The following ANKRD36 variants were observed in gnomAD, a reference collection of about 807,000 sequenced individuals.
ANKRD36 encodes ankyrin repeat domain-containing protein 36A.
In ANKRD36, 179 loss-of-function variants were observed where a neutral mutation model predicts 278.1. That is an observed-to-expected ratio of 0.64 (90% CI 0.57 to 0.73). The LOEUF (loss-of-function observed/expected upper bound fraction) is 0.73. Among genes scored for constraint, ANKRD36 ranks in the 30% least tolerant of loss-of-function variants. ANKRD36 has a pLI of 0.00. For synonymous variants in ANKRD36, 320 were observed against 641.1 expected (o/e 0.50, Z 7.57); for missense variants, 1,159 against 1,956.7 (o/e 0.59, Z 7.69).
rs1201064097 is a variant in ANKRD36 at position 97,202,094 on chromosome 2, A to G, written c.2858-108A>G. The G allele has an allele frequency of 3.8e-6, 6 of 1,571,544 alleles. No individual in the cohort carries two copies. The East Asian group carries it at 9.4e-5, about 25-fold the overall frequency. On this transcript the variant is annotated intron_variant, in intron 46 of 75. Transcript: ENST00000420699. ...CACAAAGTAGAAGCCATGAAGGCCTATGCTAATACAGGCAGGAGGACAGAG... is the reference window on the plus strand; with the variant it reads ...CACAAAGTAGAAGCCATGAAGGCCTGTGCTAATACAGGCAGGAGGACAGAG...
At chr2:97,198,359 T>A in intron 42 of ANKRD36, 104 bp from the exon 43 acceptor site, 2 of 1,541,080 alleles carry the variant, frequency 1.3e-6, no homozygotes, top group Admixed American at 2.0e-5. Context: ...AAGCGTACAC[T>A]AATACAGGCA....
At chr2:97,172,420 A>G (rs1046958774) in intron 22 of ANKRD36, among the ~76,000 whole-genome samples, 3 of 151,938 alleles carry the variant, frequency 2.0e-5, no homozygotes, top group African/African-American at 7.2e-5. Flanking sequence ...CTTAAATATG[A>G]TGACATACCA....
intron 38 of ANKRD36, 112 bp from the exon 39 acceptor site, chr2:97,194,614 G>A (rs1575624900): frequency 6.4e-7 from 1 of 1,567,436 alleles, no homozygotes; most frequent in East Asian, 2.3e-5. Context: ...AGCCATCAAA[G>A]CGTACACTAA....
At chr2:97,232,874 G>A (rs2072639420) in intron 67 of ANKRD36, among the ~76,000 whole-genome samples, 1 of 152,052 alleles carries the variant, frequency 6.6e-6, no homozygotes, top group African/African-American at 2.4e-5. Context: ...AGACAAATAG[G>A]TTGTGAGGCA....
chr2:97,140,536 G>A (rs1322577933), intron 6 of ANKRD36, among the ~76,000 whole-genome samples: 1 of 151,946 alleles, frequency 6.6e-6, no homozygotes, highest in African/African-American at 2.4e-5. Flanking sequence ...TGATGGGAAA[G>A]CATAGAGACA....
At chr2:97,226,698 C>T (rs1232588681) in intron 67 of ANKRD36, among the ~76,000 whole-genome samples, 1 of 151,816 alleles carries the variant, frequency 6.6e-6, no homozygotes, top group East Asian at 2.0e-4. Context: ...GAAGTCCTTG[C>T]CCATGCCTAT....
At chr2:97,225,161 A>T (rs1443053527) in intron 67 of ANKRD36, among the ~76,000 whole-genome samples, 5 of 151,706 alleles carry the variant, frequency 3.3e-5, no homozygotes, top group Non-Finnish European at 7.4e-5. Context: ...TAAAGAAGGT[A>T]ACATCAAATA....
chr2:97,219,575 T>G (rs1400820854), intron 66 of ANKRD36, among the ~76,000 whole-genome samples: 1 of 148,976 alleles, frequency 6.7e-6, no homozygotes, highest in East Asian at 2.1e-4. Flanking sequence ...TCCACCTTCC[T>G]GGTTCAAGCA....
At chr2:97,150,554 C>A (rs958262910) in intron 12 of ANKRD36, among the ~76,000 whole-genome samples, 16 of 152,162 alleles carry the variant, frequency 1.1e-4, no homozygotes, top group Non-Finnish European at 2.2e-4. Flanking sequence ...ATAATTAAAT[C>A]TATTAAATGT....
Position 97,215,266 on chromosome 2 carries a change from CAT to C in ANKRD36, c.3572-32_3572-31del, listed in dbSNP as rs1255692091. On this transcript the variant is annotated intron_variant, in intron 60 of 75. Coordinates refer to ENST00000420699, the MANE Select transcript of ANKRD36 (RefSeq NM_001354587.1). ...TGTTTGAATAACTTTATCATATGCA[CAT>C]ATGAGTGATTATGTATCTGTTTTGC... 142 of 1,539,940 alleles carry C rather than the reference CAT, an allele frequency of 9.2e-5. 3 individuals carry two copies. The highest frequency in any genetic ancestry group is 9.6e-6 in the Non-Finnish European group (11 of 1,148,060).
At position 97,196,341 on chromosome 2, in the gene ANKRD36, G is replaced by C. The variant is rs182656068; in HGVS notation, c.2552-252G>C. On this transcript the variant is annotated intron_variant, in intron 40 of 75. Transcript: ENST00000420699. ...GGCCTAAGACATTGATATTGATACG[G>C]TTTTATTTTAGTTTTCGACACATGA... is the stretch of plus-strand genomic sequence containing the variant. 2.2e-3 allele frequency among the ~76,000 whole-genome samples: 330 copies of C among 152,008 alleles called. 1 individual carries two copies. The highest frequency in any genetic ancestry group is 6.8e-3 in the African/African-American group (283 of 41,470).
rs146684657 is a variant in ANKRD36, at chr2:97,132,305, A to G, written c.799+5171A>G. 5.5e-3 allele frequency among the ~76,000 whole-genome samples: 837 copies of G among 151,690 alleles called. 36 individuals are homozygous for G. The East Asian group carries it at 0.091, about 16-fold the overall frequency. On this transcript the variant is annotated intron_variant, in intron 6 of 75. Coordinates refer to ENST00000420699, the MANE Select transcript of ANKRD36 (RefSeq NM_001354587.1). ...GTCATTGCACCTGGCCTGATCCCCAATTATTATAAAAGAAACCTTGGTGAG... is the reference window on the plus strand; with the variant it reads ...GTCATTGCACCTGGCCTGATCCCCAGTTATTATAAAAGAAACCTTGGTGAG...
intron 10 of ANKRD36, among the ~76,000 whole-genome samples, chr2:97,145,442 T>G (rs948335674): frequency 3.9e-5 from 6 of 152,020 alleles, no homozygotes; most frequent in Non-Finnish European, 8.8e-5. Flanking sequence ...AATGTAAATA[T>G]GCATACATTG....
intron 6 of ANKRD36, among the ~76,000 whole-genome samples, chr2:97,137,508 T>G (rs894629622): frequency 2.1e-4 from 32 of 151,796 alleles, no homozygotes; most frequent in Admixed American, 6.6e-5. Context: ...GTTCTCAAAC[T>G]CCTGGGCTTC....
chr2:97,189,156 T>C (rs1275288723), intron 33 of ANKRD36, 41 bp downstream of exon 33: 1 of 753,608 alleles, frequency 1.3e-6, no homozygotes, highest in Admixed American at 2.2e-5. Flanking sequence ...AGTAATTCTA[T>C]AGTCTATGAA....
chr2:97,137,218 C>CT (rs1047735634), intron 6 of ANKRD36, among the ~76,000 whole-genome samples: 5 of 151,922 alleles, frequency 3.3e-5, no homozygotes, highest in African/African-American at 1.2e-4. Context: ...ACAATCTTGG[C>CT]TCACTGCAAC....
intron 10 of ANKRD36, 88 bp downstream of exon 10, chr2:97,144,800 G>C: frequency 6.8e-7 from 1 of 1,460,196 alleles, no homozygotes; most frequent in South Asian, 1.3e-5. Context: ...GCTCATTGAA[G>C]CTGCGCATTC....
rs1576060345 is a variant in ANKRD36, at chr2:97,211,112, G to C, written c.3368-434G>C. ...GTGTGCCTTCTCAGTTATTGGGCAAGTTAAAGAGCATGATGAATGTTTGTA... is the reference window on the plus strand; with the variant it reads ...GTGTGCCTTCTCAGTTATTGGGCAACTTAAAGAGCATGATGAATGTTTGTA... On this transcript the variant is annotated intron_variant, in intron 56 of 75. Transcript: ENST00000420699. 2.6e-5 allele frequency among the ~76,000 whole-genome samples: 4 copies of C among 151,882 alleles called. No individual in the cohort carries two copies. The South Asian group carries it at 8.3e-4, about 32-fold the overall frequency.
chr2:97,194,411 C>T (rs1466144159), intron 38 of ANKRD36, among the ~76,000 whole-genome samples: 9 of 151,618 alleles, frequency 5.9e-5, no homozygotes, highest in Non-Finnish European at 2.9e-5. Flanking sequence ...GTGTGAGTTG[C>T]TCCTCTGATT....
Sources: allele counts gnomAD v4.1 joint callset (sites outside exome capture counted in the v4.1 genomes callset), GRCh38; gene constraint gnomAD v4.1.1; transcripts MANE v1.5; gene names NCBI Gene and HGNC (gene_info 2026-07-23, HGNC 2026-07-21).